Variants in NRDC observed in about 807,000 individuals in gnomAD.
NRDC encodes nardilysin.
In NRDC, 54 loss-of-function variants were observed where a neutral mutation model predicts 147.1. The observed-to-expected ratio is 0.37, with a 90% CI of 0.29 to 0.46. The LOEUF is 0.46. Among genes scored for constraint, NRDC ranks in the 20% least tolerant of loss-of-function variants. NRDC has a pLI of 1.00. For missense variants in NRDC, 1,082 were observed against 1,370.6 expected (o/e 0.79, Z 3.33); for synonymous variants, 440 against 482.1 (o/e 0.91, Z 1.14).
At chr1:51,861,333 C>T (rs2495221) in intron 1 of NRDC, among the ~76,000 whole-genome samples, 113,644 of 124,652 alleles carry the variant, frequency 0.91, 51,776 homozygotes, top group East Asian at 1. Context: ...TCTTCTTCTT[C>T]TTTTTTTTTT....
intron 17 of NRDC, among the ~76,000 whole-genome samples, chr1:51,807,877 C>T (rs991438737): frequency 6.8e-6 from 1 of 147,068 alleles, no homozygotes; most frequent in Non-Finnish European, 1.5e-5. Context: ...GCGATCTCAA[C>T]TCACTGCAAC....
chr1:51,806,281 T>C (rs946359761), intron 18 of NRDC, among the ~76,000 whole-genome samples: 5 of 152,246 alleles, frequency 3.3e-5, no homozygotes, highest in African/African-American at 1.2e-4. Context: ...TGGACTAGGC[T>C]ATCTGTCTAT....
At chr1:51,810,508 C>G (rs925586032) in intron 15 of NRDC, 104 bp from the exon 16 acceptor site, 2 of 1,004,708 alleles carry the variant, frequency 2.0e-6, no homozygotes, top group African/African-American at 3.3e-5. Flanking sequence ...AAGATCTATG[C>G]TCATAAAAAT....
intron 6 of NRDC, among the ~76,000 whole-genome samples, chr1:51,824,702 C>A (rs543893664): frequency 3.9e-5 from 6 of 152,298 alleles, no homozygotes; most frequent in Admixed American, 2.0e-4. Flanking sequence ...ATTGCTAACT[C>A]TGTTGACAAA....
chr1:51,840,126 GATAACT>G, intron 2 of NRDC, 94 bp downstream of exon 2: 1 of 930,578 alleles, frequency 1.1e-6, no homozygotes, highest in Non-Finnish European at 1.6e-6. Context: ...AAGACCAAAA[GATAACT>G]ATATACTTCC....
chr1:51,820,224 T>G (rs1441305449), intron 8 of NRDC, among the ~76,000 whole-genome samples: 2 of 152,196 alleles, frequency 1.3e-5, no homozygotes, highest in Admixed American at 6.5e-5. Flanking sequence ...GATAATACTT[T>G]TTTAAAATCA....
intron 1 of NRDC, among the ~76,000 whole-genome samples, chr1:51,871,096 C>T (rs1255970662): frequency 1.3e-5 from 2 of 152,080 alleles, no homozygotes; most frequent in African/African-American, 2.4e-5. Context: ...ACAGGTGGAT[C>T]ACCTGAGGTC....
At chr1:51,850,057 A>C (rs112152147) in intron 1 of NRDC, among the ~76,000 whole-genome samples, 30,340 of 151,084 alleles carry the variant, frequency 0.2, 3,976 homozygotes, top group Non-Finnish European at 0.28. Flanking sequence ...CGTGCCTGTA[A>C]TCCCAGCTAC....
intron 2 of NRDC, among the ~76,000 whole-genome samples, chr1:51,839,163 T>TC (rs1681136899): frequency 1.3e-5 from 2 of 149,362 alleles, no homozygotes; most frequent in Admixed American, 6.7e-5. Context: ...TCTTTTTCTT[T>TC]TTTTTTTTTT....
At chr1:51,790,704 G>A (rs1344729711) in intron 28 of NRDC, 55 bp from the exon 29 acceptor site, 5 of 1,271,484 alleles carry the variant, frequency 3.9e-6, no homozygotes, top group Middle Eastern at 1.9e-4. Context: ...ACTTCCCACA[G>A]AACACACTGG....
chr1:51,789,301 T>C lies in NRDC; in HGVS notation c.3391A>G (p.Ile1131Val), dbSNP rs1412574829. 1 of 1,614,132 alleles carries C rather than the reference T, an allele frequency of 6.2e-7. No individual in the cohort carries two copies. The highest frequency in any genetic ancestry group is 1.1e-5 in the South Asian group (1 of 91,080). ...SPLLADCIIP[I>V]TDIRAFTTTL... ...GTTGTGAAAGCCCTGATATCAGTAA[T>C]GGGGATGATACAATCTGCCAGCAGA... is the stretch of plus-strand genomic sequence containing the variant. Residue 1131 changes from isoleucine (I) to valine (V), a missense_variant, in exon 31 of 31, where the codon ATT (isoleucine) becomes GTT (valine). Physicochemically the swap from Ile to Val is conservative, Grantham distance 29. This residue lies in a region of NRDC where 187 missense variants were observed against 193.6 expected (regional missense o/e 0.97). Transcript: ENST00000352171.
chr1:51,815,827 G>A (rs1679945206), intron 11 of NRDC: 1 of 152,128 alleles, frequency 6.6e-6, no homozygotes, highest in Non-Finnish European at 1.5e-5. Flanking sequence ...GACTTAAACA[G>A]GTGCTTTAAT....
intron 6 of NRDC, among the ~76,000 whole-genome samples, chr1:51,824,175 G>C (rs573290725): frequency 6.7e-6 from 1 of 148,462 alleles, no homozygotes; most frequent in African/African-American, 2.5e-5. Flanking sequence ...GCCCAGGCTG[G>C]AGTGCAATAG....
At chr1:51,846,668 G>A (rs200455464) in intron 1 of NRDC, among the ~76,000 whole-genome samples, 47 of 152,338 alleles carry the variant, frequency 3.1e-4, no homozygotes, top group East Asian at 5.8e-4. Context: ...AGCTCATAAA[G>A]GTAGTGAGAA....
intron 23 of NRDC, 106 bp downstream of exon 23, chr1:51,794,717 A>AAGT: frequency 6.3e-7 from 1 of 1,580,492 alleles, no homozygotes; most frequent in South Asian, 1.1e-5. Context: ...AATCTACTAC[A>AAGT]AGTAGTATTT....
intron 1 of NRDC, among the ~76,000 whole-genome samples, chr1:51,870,549 A>G (rs888425300): frequency 6.6e-6 from 1 of 152,188 alleles, no homozygotes; most frequent in African/African-American, 2.4e-5. Context: ...TATTTCCCTT[A>G]GAGTTCCCCA....
intron 1 of NRDC, among the ~76,000 whole-genome samples, chr1:51,841,802 C>T (rs1247495001): frequency 6.6e-6 from 1 of 152,006 alleles, no homozygotes; most frequent in Non-Finnish European, 1.5e-5. Flanking sequence ...AAGAAACAAG[C>T]AGTCAGGGAA....
intron 20 of NRDC, 90 bp downstream of exon 20, chr1:51,803,724 A>G: frequency 2.0e-6 from 2 of 1,007,028 alleles, no homozygotes; most frequent in South Asian, 3.6e-5. Context: ...ATAAACATTT[A>G]TTTCTCTATA....
At chr1:51,863,116 A>G (rs1256104578) in intron 1 of NRDC, among the ~76,000 whole-genome samples, 1 of 151,786 alleles carries the variant, frequency 6.6e-6, no homozygotes, top group East Asian at 1.9e-4. Context: ...GAAGTTCAAA[A>G]TGAGGCCAGG....
Sources: allele counts gnomAD v4.1 joint callset (sites outside exome capture counted in the v4.1 genomes callset), GRCh38; gene constraint gnomAD v4.1.1; regional missense constraint gnomAD v4.1.1; transcripts MANE v1.5; gene names NCBI Gene and HGNC (gene_info 2026-07-23, HGNC 2026-07-21).